Variants in THOC5 observed in about 807,000 individuals in gnomAD.
The protein encoded by THOC5 is THO complex subunit 5.
THOC5 carries 43 observed loss-of-function variants against 92.9 expected under a neutral mutation model. The observed-to-expected ratio is 0.46, with a 90% CI of 0.36 to 0.60. THOC5 has a LOEUF of 0.60. THOC5 is among the 20% of genes least tolerant of loss of function. The probability of loss-of-function intolerance (pLI) is 0.00; values close to 1 mark genes in which losing one functional copy is unlikely to be tolerated. For missense variants in THOC5, 659 were observed against 849.4 expected (o/e 0.78, Z 2.79); for synonymous variants, 296 against 320.1 (o/e 0.92, Z 0.80).
Position 29,517,060 on chromosome 22 carries a change from G to C in THOC5, c.1650C>G (p.Leu550=). The change falls in exon 17 of 20, where the codon CTC becomes CTG. Residue 550 remains leucine, a synonymous_variant. Transcript: ENST00000490103. ...CCCTTTCGATGAGCGCCATGTAGTA[G>C]AGATTGGTGTCCCCAGCCAGTCCCG... ...VDAGLAGDTN[L]YYMALIERGT... The C allele has an allele frequency of 6.2e-7, 1 of 1,614,160 alleles. No individual in the cohort carries two copies. The highest frequency in any genetic ancestry group is 8.5e-7 in the Non-Finnish European group (1 of 1,180,032).
Position 29,517,252 on chromosome 22 carries a change from C to T in THOC5, c.1593+11G>A, listed in dbSNP as rs777329052. On this transcript the variant is annotated intron_variant, in intron 16 of 19. Coordinates refer to ENST00000490103, the MANE Select transcript of THOC5 (RefSeq NM_003678.5). ...AGGACAGTAAGGGTAACTTGTCACT[C>T]CTTCACCTACCATGTAATCCTCATG... 1 of 1,613,396 alleles carries T rather than the reference C, an allele frequency of 6.2e-7. No homozygotes were observed. The highest frequency in any genetic ancestry group is 1.1e-5 in the South Asian group (1 of 91,064).
intron 5 of THOC5, among the ~76,000 whole-genome samples, chr22:29,541,854 C>T (rs1246062848): frequency 2.8e-5 from 2 of 70,792 alleles, no homozygotes; most frequent in East Asian, 7.2e-4. Context: ...GAGCAAGACT[C>T]CATCTCCAAA....
At chr22:29,519,634 CTTT>C (rs34656123) in intron 14 of THOC5, among the ~76,000 whole-genome samples, 3 of 140,894 alleles carry the variant, frequency 2.1e-5, no homozygotes, top group Non-Finnish European at 4.6e-5. Flanking sequence ...CATGACAGGC[CTTT>C]TTTTTTTTTT....
At chr22:29,544,959 C>T (rs1246886552) in intron 2 of THOC5, 21 of 328,110 alleles carry the variant, frequency 6.4e-5, no homozygotes, top group South Asian at 4.3e-4. Flanking sequence ...TCATACTGTC[C>T]GTGCTGTTAA....
At chr22:29,530,540 A>ACCC (rs1601421688) in intron 8 of THOC5, among the ~76,000 whole-genome samples, 1 of 152,164 alleles carries the variant, frequency 6.6e-6, no homozygotes, top group East Asian at 1.9e-4. Context: ...ATTTTTTTTA[A>ACCC]TACTCACAAC....
chr22:29,549,673 C>T (rs2064102091), intron 1 of THOC5, among the ~76,000 whole-genome samples: 1 of 152,168 alleles, frequency 6.6e-6, no homozygotes, highest in Admixed American at 6.5e-5. Context: ...TATCCATATT[C>T]CCTGACTTGT....
chr22:29,532,266 C>A (rs1471060411), intron 7 of THOC5, among the ~76,000 whole-genome samples: 2 of 150,698 alleles, frequency 1.3e-5, no homozygotes, highest in African/African-American at 4.9e-5. Flanking sequence ...TCAAGAGCAG[C>A]CTGGGTAACT....
chr22:29,518,505 C>T (rs1399508886), intron 15 of THOC5, among the ~76,000 whole-genome samples: 1 of 152,222 alleles, frequency 6.6e-6, no homozygotes, highest in Non-Finnish European at 1.5e-5. Context: ...GGCTCAGCCT[C>T]ACCCTGGGGA....
chr22:29,549,467 G>C (rs2064097922), intron 1 of THOC5, among the ~76,000 whole-genome samples: 1 of 152,130 alleles, frequency 6.6e-6, no homozygotes, highest in African/African-American at 2.4e-5. Flanking sequence ...CTGCATTCAA[G>C]TGTTCACCCA....
rs199857074 is a variant in THOC5 at position 29,508,490 on chromosome 22, G to T, written c.2019C>A (p.Tyr673Ter). ...RGPSRMKPFK[Y>*]NHPQGFFSHR ...GGCTGAAGAATCCCTGAGGATGGTT[G>T]TATTTAAATGGCTTCATCCTGCTAG... The change falls in exon 20 of 20, where the codon TAC becomes TAA. Residue 673 changes from tyrosine to a stop codon, truncating the protein, a stop_gained. Coordinates refer to ENST00000490103, the MANE Select transcript of THOC5 (RefSeq NM_003678.5). LOFTEE classifies it high-confidence loss of function. The T allele has an allele frequency of 1.2e-6, 2 of 1,614,216 alleles. No homozygotes were observed. Among genetic ancestry groups the T allele is most frequent in the Admixed American group, 3.3e-5 (2 of 60,028 alleles).
At chr22:29,543,671 G>C (rs947107837) in intron 3 of THOC5, 129 bp from the exon 4 acceptor site, 1 of 572,398 alleles carries the variant, frequency 1.7e-6, no homozygotes, top group Non-Finnish European at 3.1e-6. Flanking sequence ...ACCATGAGAA[G>C]GGTCATGAAG....
intron 2 of THOC5, among the ~76,000 whole-genome samples, chr22:29,547,032 T>G (rs932998500): frequency 2.6e-5 from 4 of 151,722 alleles, no homozygotes; most frequent in Admixed American, 2.6e-4. Flanking sequence ...TTAGTAGAGA[T>G]AGGGTTTTGC....
chr22:29,513,680 C>T lies in THOC5; in HGVS notation c.1682-1544G>A, dbSNP rs79178834. ...CTCCAGCCTACGCAACAAAGCAAGACTCCGTCTCAAAATAAATAAATAAAA... is the reference window on the plus strand; with the variant it reads ...CTCCAGCCTACGCAACAAAGCAAGATTCCGTCTCAAAATAAATAAATAAAA... On this transcript the variant is annotated intron_variant, in intron 17 of 19. Transcript: ENST00000490103. 0.024 allele frequency among the ~76,000 whole-genome samples: 3,633 copies of T among 151,890 alleles called. 358 individuals are homozygous for T. The East Asian group carries it at 0.35, about 15-fold the overall frequency.
intron 12 of THOC5, among the ~76,000 whole-genome samples, chr22:29,523,242 AAAATAAATAAAT>A (rs528811341): frequency 6.8e-4 from 103 of 152,070 alleles, no homozygotes; most frequent in Non-Finnish European, 1.3e-3. Flanking sequence ...ACTCCTTCTC[AAAATAAATAAAT>A]AAATAAATAA....
At chr22:29,520,909 C>G (rs1222653111) in intron 13 of THOC5, 89 bp downstream of exon 13, 1 of 966,866 alleles carries the variant, frequency 1.0e-6, no homozygotes, top group Non-Finnish European at 1.7e-6. Context: ...TGGGTCACCT[C>G]TGGCCCTAAC....
intron 8 of THOC5, chr22:29,531,265 G>T (rs933754848): frequency 1.0e-6 from 1 of 985,284 alleles, no homozygotes; most frequent in Non-Finnish European, 1.2e-6. Context: ...GGGTGGGGTG[G>T]GGGAGAAAAT....
intron 7 of THOC5, chr22:29,535,358 T>C (rs1049157415): frequency 6.6e-6 from 1 of 151,188 alleles, no homozygotes; most frequent in Admixed American, 6.6e-5. Flanking sequence ...TTCAAGTTTG[T>C]AAAACAAAAG....
intron 9 of THOC5, 119 bp from the exon 10 acceptor site, chr22:29,528,585 T>A: frequency 1.1e-6 from 1 of 897,054 alleles, no homozygotes; most frequent in Non-Finnish European, 1.7e-6. Context: ...AGTTTCTCTG[T>A]AATAAATAAT....
rs750590504 is a variant in THOC5 at position 29,520,155 on chromosome 22, G to C, written c.1278-51C>G. ...TGTGCTGTAAGTCATTTCTGCTGTG[G>C]TCCCAGGATACAGCCTCCTCCCACC... On this transcript the variant is annotated intron_variant, in intron 13 of 19. Transcript: ENST00000490103. 5.3e-6 allele frequency: 8 copies of C among 1,518,544 alleles called. No individual in the cohort carries two copies. The African/African-American group carries it at 1.1e-4, about 21-fold the overall frequency. The allele number at this position is 1,518,544 out of a possible 1,614,324, so 94.1% of individuals were successfully genotyped here.
Sources: gnomAD v4.1 joint callset for allele counts (sites outside exome capture counted in the v4.1 genomes callset) on GRCh38, gnomAD v4.1.1 for gene constraint, MANE v1.5 for transcripts, NCBI Gene and HGNC (gene_info 2026-07-23, HGNC 2026-07-21) for gene names.